Variants in SORCS1 observed in about 807,000 individuals in gnomAD.
The protein encoded by SORCS1 is VPS10 domain-containing receptor SorCS1.
In SORCS1, 60 loss-of-function variants were observed where a neutral mutation model predicts 146.1. The observed-to-expected ratio is 0.41, with a 90% CI of 0.33 to 0.51. SORCS1 has a LOEUF of 0.51. Ranked by LOEUF, SORCS1 falls within the 20% of genes least tolerant of loss-of-function variation. The pLI is 0.21. For missense variants in SORCS1, 1,352 were observed against 1,487.6 expected, an observed-to-expected ratio of 0.91 and a Z score of 1.50; for synonymous variants, 637 against 584.0, an observed-to-expected ratio of 1.09 and a Z score of -1.31.
chr10:107,051,902 T>C (rs1960163429), intron 1 of SORCS1, among the ~76,000 whole-genome samples: 1 of 152,152 alleles, frequency 6.6e-6, no homozygotes, highest in African/African-American at 2.4e-5. Context: ...AAGAAAATTG[T>C]TGGCACAGAC....
intron 5 of SORCS1, among the ~76,000 whole-genome samples, chr10:106,740,899 G>C (rs1047407100): frequency 2.0e-5 from 3 of 152,328 alleles, no homozygotes; most frequent in African/African-American, 7.2e-5. Flanking sequence ...GATACAATCA[G>C]ACTGGAACCT....
intron 3 of SORCS1, among the ~76,000 whole-genome samples, chr10:106,796,659 T>G (rs1341580054): frequency 6.6e-6 from 1 of 152,074 alleles, no homozygotes; most frequent in Non-Finnish European, 1.5e-5. Context: ...CAGGGACAGT[T>G]GGGGGTGGGG....
At chr10:106,590,235 A>G (rs1448333204) in intron 24 of SORCS1, among the ~76,000 whole-genome samples, 1 of 152,176 alleles carries the variant, frequency 6.6e-6, no homozygotes, top group African/African-American at 2.4e-5. Flanking sequence ...TCAACCTTAA[A>G]GACTCAGCTT....
At chr10:107,111,848 T>C (rs1965721981) in intron 1 of SORCS1, among the ~76,000 whole-genome samples, 1 of 152,080 alleles carries the variant, frequency 6.6e-6, no homozygotes, top group Non-Finnish European at 1.5e-5. Flanking sequence ...TTGTCACATA[T>C]AAGAAAATCT....
intron 3 of SORCS1, 100 bp from the exon 4 acceptor site, chr10:106,776,792 G>T: frequency 7.5e-7 from 1 of 1,339,044 alleles, no homozygotes; most frequent in Non-Finnish European, 1.0e-6. Context: ...GAAGGACAGG[G>T]GCAGGCAAAG....
chr10:106,821,746 C>T (rs1948038138), intron 3 of SORCS1, among the ~76,000 whole-genome samples: 1 of 152,002 alleles, frequency 6.6e-6, no homozygotes, highest in Admixed American at 6.6e-5. Flanking sequence ...ACTGTGAAAC[C>T]ATGTCTCTAC....
At chr10:106,796,534 A>G (rs1471781026) in intron 3 of SORCS1, among the ~76,000 whole-genome samples, 1 of 152,146 alleles carries the variant, frequency 6.6e-6, no homozygotes. Flanking sequence ...GATTATATTT[A>G]CTTCTTTGAG....
chr10:106,841,930 T>C (rs1949062382), intron 2 of SORCS1, among the ~76,000 whole-genome samples: 1 of 152,204 alleles, frequency 6.6e-6, no homozygotes, highest in African/African-American at 2.4e-5. Flanking sequence ...TTCAACTCCT[T>C]TGGGTAAATA....
At chr10:106,961,184 T>C (rs1432551769) in intron 1 of SORCS1, among the ~76,000 whole-genome samples, 1 of 152,200 alleles carries the variant, frequency 6.6e-6, no homozygotes, top group Non-Finnish European at 1.5e-5. Context: ...ATCAAAACAG[T>C]AGGGCAAAAA....
intron 17 of SORCS1, among the ~76,000 whole-genome samples, chr10:106,652,902 G>C (rs1849984554): frequency 6.6e-6 from 1 of 152,116 alleles, no homozygotes; most frequent in Non-Finnish European, 1.5e-5. Flanking sequence ...TAATCTAGGA[G>C]ATAATTCAAA....
At chr10:106,956,341 C>G (rs542858867) in intron 2 of SORCS1, among the ~76,000 whole-genome samples, 172 bp downstream of exon 2, 1 of 152,134 alleles carries the variant, frequency 6.6e-6, no homozygotes, top group Admixed American at 6.5e-5. Context: ...AAAGCTCTGG[C>G]CTGCCTGGAG....
intron 1 of SORCS1, among the ~76,000 whole-genome samples, chr10:107,109,551 C>T (rs984677602): frequency 6.6e-6 from 1 of 152,194 alleles, no homozygotes; most frequent in Non-Finnish European, 1.5e-5. Context: ...AGGCCCTGGG[C>T]CCTGCCCCTG....
chr10:106,788,184 G>A (rs1468778528), intron 3 of SORCS1, among the ~76,000 whole-genome samples: 2 of 152,090 alleles, frequency 1.3e-5, no homozygotes, highest in African/African-American at 2.4e-5. Flanking sequence ...ACAGCATGAG[G>A]GGAACCACCC....
chr10:107,103,734 G>T (rs1333744812), intron 1 of SORCS1, among the ~76,000 whole-genome samples: 1 of 152,154 alleles, frequency 6.6e-6, no homozygotes, highest in Non-Finnish European at 1.5e-5. Flanking sequence ...GCATTGTGCA[G>T]GCATTTACAT....
chr10:106,742,717 A>C (rs1857447884), intron 5 of SORCS1, among the ~76,000 whole-genome samples: 2 of 152,092 alleles, frequency 1.3e-5, no homozygotes. Flanking sequence ...TGTGCATAAA[A>C]CCAAGTTGTG....
chr10:106,677,840 T>C (rs1399134134), intron 12 of SORCS1, among the ~76,000 whole-genome samples: 1 of 152,224 alleles, frequency 6.6e-6, no homozygotes, highest in East Asian at 1.9e-4. Context: ...CCTGAGATCA[T>C]GCATACAGTA....
chr10:106,847,835 G>T (rs149081635), intron 2 of SORCS1, among the ~76,000 whole-genome samples: 1 of 144,914 alleles, frequency 6.9e-6, no homozygotes, highest in African/African-American at 2.5e-5. Flanking sequence ...TCTTCATTTC[G>T]TTATGTACCC....
rs747847006 is a variant in SORCS1, at chr10:106,612,005, C to T, written c.2939G>A (p.Arg980His). 26 of 1,613,802 alleles carry T rather than the reference C, an allele frequency of 1.6e-5. No individual in the cohort carries two copies. The highest frequency in any genetic ancestry group is 1.6e-4 in the Middle Eastern group (1 of 6,080). Residue 980 changes from arginine (R) to histidine (H), a missense_variant, in exon 22 of 26, where the codon CGC becomes CAC. Arg to His is a conservative substitution (Grantham distance 29). This residue lies in a region of SORCS1 where 648 missense variants were observed against 793.8 expected (regional missense o/e 0.82). Transcript: ENST00000263054. ...ATCCAGGTTTGGAGAAAAGGACAAG[C>T]GAAGAGACCGGAATTCCTCTGGGGA... Reference protein sequence around the residue: ...IAVYEEFRSLRLSFSPNLDDY... With the variant: ...IAVYEEFRSLHLSFSPNLDDY...
chr10:107,139,019 C>CA (rs1302886039), intron 1 of SORCS1, among the ~76,000 whole-genome samples: 9 of 152,168 alleles, frequency 5.9e-5, no homozygotes, highest in African/African-American at 2.2e-4. Flanking sequence ...TGAGGGTAAA[C>CA]AAAATCCATC....
Sources: allele counts gnomAD v4.1 joint callset (sites outside exome capture counted in the v4.1 genomes callset), GRCh38; gene constraint gnomAD v4.1.1; regional missense constraint gnomAD v4.1.1; transcripts MANE v1.5; gene names NCBI Gene and HGNC (gene_info 2026-07-23, HGNC 2026-07-21).